Variants in ADAMTSL3 observed in about 807,000 individuals in gnomAD.
ADAMTSL3 encodes ADAMTS like 3.
ADAMTSL3 carries 128 observed loss-of-function variants against 201.7 expected under a neutral mutation model. The observed-to-expected ratio is 0.63, with a 90% CI of 0.55 to 0.73. The LOEUF (loss-of-function observed/expected upper bound fraction) is 0.73, where lower values mean the gene tolerates loss of function less well. Ranked by LOEUF, ADAMTSL3 falls within the 30% of genes least tolerant of loss-of-function variation. ADAMTSL3 has a pLI of 0.00. For missense variants in ADAMTSL3, 1,990 were observed against 2,119.6 expected, an observed-to-expected ratio of 0.94 and a Z score of 1.20; for synonymous variants, 738 against 748.4, an observed-to-expected ratio of 0.99 and a Z score of 0.23.
intron 9 of ADAMTSL3, among the ~76,000 whole-genome samples, chr15:83,881,089 C>G (rs2065261670): frequency 6.6e-6 from 1 of 152,150 alleles, no homozygotes; most frequent in Non-Finnish European, 1.5e-5. Flanking sequence ...ATTTTTGCTT[C>G]TAGATCTTCA....
chr15:83,980,535 C>CAAAT (rs2067369477), intron 20 of ADAMTSL3, among the ~76,000 whole-genome samples: 1 of 152,002 alleles, frequency 6.6e-6, no homozygotes, highest in Admixed American at 6.6e-5. Flanking sequence ...CTGGCTGGGC[C>CAAAT]ATTTGACATA....
At chr15:83,991,838 C>T (rs1003986434) in intron 23 of ADAMTSL3, among the ~76,000 whole-genome samples, 1 of 152,180 alleles carries the variant, frequency 6.6e-6, no homozygotes, top group Non-Finnish European at 1.5e-5. Flanking sequence ...GCCATCCTGT[C>T]TCATTAAGCC....
intron 2 of ADAMTSL3, among the ~76,000 whole-genome samples, chr15:83,683,256 A>G (rs904461165): frequency 6.6e-6 from 1 of 152,146 alleles, no homozygotes; most frequent in African/African-American, 2.4e-5. Flanking sequence ...AGTGTGGCCA[A>G]TTGTGTATTC....
rs2061050104 is a variant in ADAMTSL3 at position 83,654,571 on chromosome 15, T to A, written c.-34+295T>A. ...ATGGGGGAACTCCACAGGGTTGGAG[T>A]TTTTCAGGATTGGGAGTTACTAAGC... On this transcript the variant is annotated intron_variant, in intron 1 of 29. Transcript: ENST00000286744. The surrounding 1 kb of genome is among the most constrained non-coding windows in gnomAD (Gnocchi z 5.3). Among the ~76,000 whole-genome samples the A allele has an allele frequency of 6.7e-6, 1 of 150,216 alleles. No individual in the cohort carries two copies. Among genetic ancestry groups the A allele is most frequent in the Non-Finnish European group, 1.5e-5 (1 of 67,488 alleles).
At chr15:83,829,949 A>G (rs576476924) in intron 6 of ADAMTSL3, among the ~76,000 whole-genome samples, 2 of 152,176 alleles carry the variant, frequency 1.3e-5, no homozygotes, top group Non-Finnish European at 2.9e-5. Flanking sequence ...ACTTCCAGCT[A>G]TGTGGTCAAT....
rs1390851878 is a variant in ADAMTSL3, at chr15:83,906,626, A to C, written c.1701-6466A>C. Among the ~76,000 whole-genome samples, 7 of 4,038 alleles carry C rather than the reference A, an allele frequency of 1.7e-3. No homozygotes were observed. In the Admixed American group the frequency reaches 0.019, roughly 11 times the overall value. The allele number at this position is 4,038 out of a possible 152,430, so 2.6% of individuals were successfully genotyped here. A position where few individuals can be genotyped will look rare whatever the true frequency, so the allele number is the denominator to read the frequency against. On this transcript the variant is annotated intron_variant, in intron 15 of 29. Transcript: ENST00000286744. ...ATATTTATATAGTGCCACACACCAC[A>C]CACACACACACACACACACACACAC...
chr15:83,982,491 A>G lies in ADAMTSL3; in HGVS notation c.2863A>G (p.Asn955Asp), dbSNP rs1245379295. The G allele has an allele frequency of 2.5e-6, 4 of 1,614,202 alleles. No individual in the cohort carries two copies. Among genetic ancestry groups the G allele is most frequent in the Non-Finnish European group, 3.4e-6 (4 of 1,180,022 alleles). Reference protein sequence around the residue: ...QWEKDGRCLQNSKRLGITKSG... With the variant: ...QWEKDGRCLQDSKRLGITKSG... The stretch of plus-strand genomic sequence containing the variant: ...GGAGAAGGATGGCCGTTGCCTGCAG[A>G]ACTCCAAACGGCTTGGCATCACCAA... The change falls in exon 21 of 30, where the codon AAC (asparagine) becomes GAC (aspartate). Residue 955 changes from asparagine (N) to aspartate (D), a missense_variant. By Grantham distance (23) the Asn-to-Asp change is conservative (BLOSUM62 1). Coordinates refer to ENST00000286744, the MANE Select transcript of ADAMTSL3 (RefSeq NM_207517.3).
Position 84,014,739 on chromosome 15 carries a change from C to A in ADAMTSL3, c.4156+15C>A. The A allele has an allele frequency of 6.3e-7, 1 of 1,595,822 alleles. No homozygotes were observed. Among genetic ancestry groups the A allele is most frequent in the Admixed American group, 1.8e-5 (1 of 56,652 alleles). On this transcript the variant is annotated intron_variant, in intron 24 of 29. Transcript: ENST00000286744. Reference sequence around the variant, plus strand: ...CCACTTGCTGGGTAAGTGTCAAATTCTTATTGCTCCTTAAGTGCCTCCTGT... The same window carrying A: ...CCACTTGCTGGGTAAGTGTCAAATTATTATTGCTCCTTAAGTGCCTCCTGT...
chr15:83,835,022 C>G (rs900336863), intron 6 of ADAMTSL3, among the ~76,000 whole-genome samples: 5 of 152,040 alleles, frequency 3.3e-5, no homozygotes, highest in African/African-American at 9.7e-5. Flanking sequence ...ATCACGAGAT[C>G]AGGAGATCGA....
intron 2 of ADAMTSL3, among the ~76,000 whole-genome samples, chr15:83,679,971 A>G (rs1196442912): frequency 6.6e-6 from 1 of 152,228 alleles, no homozygotes. Context: ...GTGGGAGGGT[A>G]GCATGTCCCA....
intron 2 of ADAMTSL3, among the ~76,000 whole-genome samples, chr15:83,679,961 G>A (rs186018385): frequency 2.1e-4 from 32 of 152,308 alleles, no homozygotes; most frequent in African/African-American, 7.7e-4. Context: ...GCCACCATTG[G>A]TGGGAGGGTA....
At chr15:83,992,739 T>A (rs957715888) in intron 23 of ADAMTSL3, among the ~76,000 whole-genome samples, 2 of 152,242 alleles carry the variant, frequency 1.3e-5, no homozygotes, top group Admixed American at 6.5e-5. Flanking sequence ...GGGTGGAAAC[T>A]GCAAGTAAAG....
At chr15:83,906,827 T>C (rs1028763946) in intron 15 of ADAMTSL3, among the ~76,000 whole-genome samples, 2 of 152,206 alleles carry the variant, frequency 1.3e-5, no homozygotes, top group Non-Finnish European at 2.9e-5. Flanking sequence ...GCTTTTTTGC[T>C]CTTCCACTAT....
chr15:83,680,611 A>G (rs2061465500), intron 2 of ADAMTSL3, among the ~76,000 whole-genome samples: 1 of 150,952 alleles, frequency 6.6e-6, no homozygotes, highest in Non-Finnish European at 1.5e-5. Context: ...TAAGAACATC[A>G]ATTTTCCATA....
chr15:83,713,340 G>T (rs1176929160), intron 3 of ADAMTSL3, among the ~76,000 whole-genome samples: 1 of 152,184 alleles, frequency 6.6e-6, no homozygotes, highest in Non-Finnish European at 1.5e-5. Flanking sequence ...CTGAATGTGT[G>T]TTTTTCTTAA....
intron 15 of ADAMTSL3, among the ~76,000 whole-genome samples, chr15:83,912,258 C>T (rs1053586906): frequency 1.3e-5 from 2 of 152,138 alleles, no homozygotes; most frequent in Admixed American, 1.3e-4. Context: ...AGCACAAAAG[C>T]CATAGACAAT....
intron 3 of ADAMTSL3, among the ~76,000 whole-genome samples, chr15:83,762,525 C>T (rs566289466): frequency 6.6e-6 from 1 of 152,274 alleles, no homozygotes; most frequent in African/African-American, 2.4e-5. Flanking sequence ...TCTCTGCTTC[C>T]AAGATGGTGC....
intron 3 of ADAMTSL3, among the ~76,000 whole-genome samples, chr15:83,749,800 G>A (rs2141667310): frequency 6.6e-6 from 1 of 152,348 alleles, no homozygotes; most frequent in Non-Finnish European, 1.5e-5. Context: ...CTCGAAAAGA[G>A]TCCTGGGTTG....
intron 7 of ADAMTSL3, among the ~76,000 whole-genome samples, chr15:83,840,670 G>A (rs1347670319): frequency 6.6e-6 from 1 of 152,194 alleles, no homozygotes; most frequent in Non-Finnish European, 1.5e-5. Context: ...TAGAGGAGTA[G>A]CTGTAAGGGC....
Sources: allele counts gnomAD v4.1 joint callset (sites outside exome capture counted in the v4.1 genomes callset), GRCh38; gene constraint gnomAD v4.1.1; non-coding constraint Gnocchi (gnomAD v3.1); transcripts MANE v1.5; gene names NCBI Gene and HGNC (gene_info 2026-07-23, HGNC 2026-07-21).